DMD: variants seen among roughly 807,000 people sequenced by gnomAD.
DMD encodes the protein mutant dystrophin.
Under a neutral mutation model 330.1 loss-of-function variants are expected in DMD, and 63 were observed. The observed-to-expected ratio is 0.19, with a 90% CI of 0.16 to 0.24. DMD has a LOEUF of 0.24. DMD is among the 10% of genes least tolerant of loss of function. DMD has a pLI of 1.00. For synonymous variants in DMD, 1,223 were observed against 959.8 expected, an observed-to-expected ratio of 1.27 and a Z score of -5.07; for missense variants, 3,344 against 2,684.1, an observed-to-expected ratio of 1.25 and a Z score of -5.43.
chrX:32,184,379 T>G (rs1466449063), intron 44 of DMD, among the ~76,000 whole-genome samples: 1 of 111,066 alleles, frequency 9.0e-6, no homozygotes, highest in East Asian at 2.8e-4. Context: ...TATAAATTAA[T>G]TCTACAATTG....
chrX:31,341,780 A>C (rs1177900631), intron 61 of DMD, among the ~76,000 whole-genome samples: 2 of 110,920 alleles, frequency 1.8e-5, no homozygotes, highest in African/African-American at 6.6e-5. Flanking sequence ...TTATCTGTAA[A>C]ATAAGGAAAG....
intron 55 of DMD, among the ~76,000 whole-genome samples, chrX:31,512,840 A>G (rs933187394): frequency 9.1e-6 from 1 of 109,806 alleles, no homozygotes; most frequent in Non-Finnish European, 1.9e-5. Context: ...TTCCATATGA[A>G]CTTTAAAGTA....
intron 44 of DMD, among the ~76,000 whole-genome samples, chrX:32,057,031 C>T (rs1338931416): frequency 2.7e-5 from 3 of 111,047 alleles, no homozygotes; most frequent in African/African-American, 9.8e-5. Flanking sequence ...ATGGTCATCT[C>T]AATAGCTGCA....
rs747136291 is a variant in DMD, at chrX:31,388,556, A to G, written c.9085-39922T>C. ...ATAATTAAAGCGAAAAAAGACATTA[A>G]GTTTACCTAGCTCAATACCTCATTT... is the stretch of plus-strand genomic sequence containing the variant. On this transcript the variant is annotated intron_variant, in intron 60 of 78. Coordinates refer to ENST00000357033, the MANE Select transcript of DMD (RefSeq NM_004006.3). 2.1e-3 allele frequency among the ~76,000 whole-genome samples: 238 copies of G among 112,032 alleles called. 1 individual carries two copies. Among genetic ancestry groups the G allele is most frequent in the Non-Finnish European group, 1.7e-3 (89 of 53,275 alleles).
At chrX:33,210,380 G>T (rs1005031383) in intron 1 of DMD, among the ~76,000 whole-genome samples, 1 of 110,533 alleles carries the variant, frequency 9.0e-6, no homozygotes, top group Non-Finnish European at 1.9e-5. Flanking sequence ...CCATCTCTTC[G>T]GGACACACAG....
intron 41 of DMD, among the ~76,000 whole-genome samples, chrX:32,321,660 AAACAAC>A (rs754457523): frequency 1.8e-5 from 2 of 111,671 alleles, no homozygotes; most frequent in Non-Finnish European, 3.8e-5. Flanking sequence ...CATCAGATCA[AAACAAC>A]AACAACAACA....
At chrX:31,244,228 T>C (rs1006293821) in intron 63 of DMD, among the ~76,000 whole-genome samples, 1 of 112,454 alleles carries the variant, frequency 8.9e-6, no homozygotes, top group Non-Finnish European at 1.9e-5. Context: ...ACAAGGATAC[T>C]TGCCTTGTCA....
At chrX:32,201,278 C>G (rs185746775) in intron 44 of DMD, among the ~76,000 whole-genome samples, 1 of 111,960 alleles carries the variant, frequency 8.9e-6, no homozygotes, top group African/African-American at 3.2e-5. Flanking sequence ...TTCTTTCTCT[C>G]TCTTAAAATA....
chrX:32,779,863 A>T (rs1321277609), intron 7 of DMD, among the ~76,000 whole-genome samples: 1 of 111,509 alleles, frequency 9.0e-6, no homozygotes, highest in East Asian at 2.8e-4. Flanking sequence ...AAAGTATAAT[A>T]AAAAAATCAA....
chrX:32,236,463 G>A (rs746620526), intron 43 of DMD, among the ~76,000 whole-genome samples: 3 of 111,738 alleles, frequency 2.7e-5, no homozygotes, highest in Admixed American at 9.5e-5. Flanking sequence ...CACTTAGTAC[G>A]ATATGGTTTG....
At position 31,679,510 on chromosome X, in the gene DMD, T is replaced by C. The variant is rs2082259870; in HGVS notation, c.7737A>G (p.Leu2579=). Reference sequence around the variant, plus strand: ...CTTCCAGCCATTGTGTTGAATCCTTTAACATTTCATTCAACTGTTGCCTCC... The same window carrying C: ...CTTCCAGCCATTGTGTTGAATCCTTCAACATTTCATTCAACTGTTGCCTCC... The part of the protein sequence containing the change: ...QNRRQQLNEM[L]KDSTQWLEAK... Residue 2579 remains leucine (L), a synonymous_variant, in exon 53 of 79, where the codon TTA becomes TTG. Coordinates refer to ENST00000357033, the MANE Select transcript of DMD (RefSeq NM_004006.3). 1 of 1,211,619 alleles carries C rather than the reference T, an allele frequency of 8.3e-7. No individual in the cohort carries two copies. Among genetic ancestry groups the C allele is most frequent in the Non-Finnish European group, 1.1e-6 (1 of 895,262 alleles).
chrX:32,070,609 C>CTATA (rs1186534526), intron 44 of DMD, among the ~76,000 whole-genome samples: 1 of 108,292 alleles, frequency 9.2e-6, no homozygotes, highest in Admixed American at 1.0e-4. Context: ...GTACGTGTGT[C>CTATA]TATATATATA....
chrX:32,717,130 A>G (rs1229523545), intron 7 of DMD, among the ~76,000 whole-genome samples: 3 of 111,696 alleles, frequency 2.7e-5, no homozygotes, highest in African/African-American at 9.8e-5. Flanking sequence ...CTGTCTGCGG[A>G]AATTTGCATA....
chrX:33,009,660 G>A lies in DMD; in HGVS notation c.93+10479C>T, dbSNP rs867406148. ...TATATACACATATGTGTGTATACGTGTATATGTGTATACGTATATGTGTAT... is the reference window on the plus strand; with the variant it reads ...TATATACACATATGTGTGTATACGTATATATGTGTATACGTATATGTGTAT... On this transcript the variant is annotated intron_variant, in intron 2 of 78. Coordinates refer to ENST00000357033, the MANE Select transcript of DMD (RefSeq NM_004006.3). Among the ~76,000 whole-genome samples the A allele has an allele frequency of 1.0e-4, 4 of 38,159 alleles. 1 individual carries two copies. The highest frequency in any genetic ancestry group is 4.0e-4 in the African/African-American group (4 of 10,066). 33.1% of individuals were successfully genotyped at this position (38,159 alleles called of 115,157 possible). A position where few individuals can be genotyped will look rare whatever the true frequency, so the allele number is the denominator to read the frequency against.
chrX:31,462,440 C>T (rs1453726898), intron 59 of DMD, among the ~76,000 whole-genome samples: 2 of 111,342 alleles, frequency 1.8e-5, no homozygotes, highest in Non-Finnish European at 3.8e-5. Context: ...AGATTGCACT[C>T]CAGCCTGGGC....
intron 1 of DMD, among the ~76,000 whole-genome samples, chrX:33,216,870 G>A (rs767672823): frequency 1.7e-4 from 19 of 111,177 alleles, no homozygotes; most frequent in South Asian, 3.8e-4. Flanking sequence ...TATGGTAAAC[G>A]TAAAGTGAAC....
In DMD at chrX:32,377,185, C is replaced by G. The variant is rs1381250085; in HGVS notation, c.4845+3325G>C. On this transcript the variant is annotated intron_variant, in intron 34 of 78. Transcript: ENST00000357033. Reference sequence around the variant, plus strand: ...ATTTAGACTCAGTATTATCATTAACCAGTATATTAATTTTCATCACACTCA... The same window carrying G: ...ATTTAGACTCAGTATTATCATTAACGAGTATATTAATTTTCATCACACTCA... Among the ~76,000 whole-genome samples, 28 of 111,331 alleles carry G rather than the reference C, an allele frequency of 2.5e-4. No homozygotes were observed. The Admixed American group carries it at 2.7e-3, about 11-fold the overall frequency.
At chrX:31,252,932 A>C (rs1029627592) in intron 63 of DMD, among the ~76,000 whole-genome samples, 1 of 111,295 alleles carries the variant, frequency 9.0e-6, no homozygotes, top group African/African-American at 3.3e-5. Context: ...TGGAGGTTGC[A>C]GTGAGATGAG....
intron 44 of DMD, among the ~76,000 whole-genome samples, chrX:32,033,683 A>C (rs926326622): frequency 9.2e-6 from 1 of 109,143 alleles, no homozygotes; most frequent in African/African-American, 3.3e-5. Flanking sequence ...GAAGGAAAGA[A>C]AGAAAGAGAA....
Sources: allele counts gnomAD v4.1 joint callset (sites outside exome capture counted in the v4.1 genomes callset), GRCh38; gene constraint gnomAD v4.1.1; transcripts MANE v1.5; gene names NCBI Gene and HGNC (gene_info 2026-07-23, HGNC 2026-07-21).